The following FAM91A1 variants were observed in gnomAD, a reference collection of about 807,000 sequenced individuals.
FAM91A1 encodes the protein family with sequence similarity 91 member A1, also known as protein FAM91A1.
Under a neutral mutation model 113.5 loss-of-function variants are expected in FAM91A1, and 41 were observed. The observed-to-expected ratio is 0.36, with a 90% CI of 0.28 to 0.47. FAM91A1 has a LOEUF of 0.47. Among genes scored for constraint, FAM91A1 ranks in the 20% least tolerant of loss-of-function variants. FAM91A1 has a pLI of 1.00. For missense variants in FAM91A1, 696 were observed against 1,001.2 expected (o/e 0.70, Z 4.11); for synonymous variants, 307 against 347.9 (o/e 0.88, Z 1.31).
chr8:123,808,839 T>C, intron 21 of FAM91A1, 54 bp from the exon 22 acceptor site: 2 of 1,455,844 alleles, frequency 1.4e-6, no homozygotes, highest in East Asian at 2.5e-5. Flanking sequence ...ATATATAATA[T>C]ATACATAAGT....
rs756481945 is a variant in FAM91A1 at position 123,775,143 on chromosome 8, G to T, written c.158-4G>T. ...AAACTGGAGAATTTCCCTCTTTTGT[G>T]CAGTTAAACATGTCAAGAAAGATGA... On this transcript the variant is annotated splice_region_variant and splice_polypyrimidine_tract_variant and intron_variant, in intron 2 of 23. Transcript: ENST00000334705. The T allele has an allele frequency of 1.8e-5, 29 of 1,584,600 alleles. No homozygotes were observed. The highest frequency in any genetic ancestry group is 2.4e-5 in the Non-Finnish European group (28 of 1,164,588).
chr8:123,787,768 G>A lies in FAM91A1; in HGVS notation c.1278+18G>A. On this transcript the variant is annotated intron_variant, in intron 14 of 23. Coordinates refer to ENST00000334705, the MANE Select transcript of FAM91A1 (RefSeq NM_144963.4). ...TAGAAAAGGTAAATGTAGATTGCAT[G>A]TAAGGGGATGTTAGGGCATTTGGAA... is the stretch of plus-strand genomic sequence containing the variant. 7.6e-6 allele frequency: 12 copies of A among 1,585,506 alleles called. No homozygotes were observed. The highest frequency in any genetic ancestry group is 9.5e-6 in the Non-Finnish European group (11 of 1,161,210).
At chr8:123,781,516 C>A (rs1966620) in intron 8 of FAM91A1, among the ~76,000 whole-genome samples, 1 of 141,916 alleles carries the variant, frequency 7.0e-6, no homozygotes, top group Non-Finnish European at 1.5e-5. Context: ...CTAGCTCTAT[C>A]GCCCAGGCTG....
At chr8:123,797,203 G>A (rs1374276989) in intron 15 of FAM91A1, among the ~76,000 whole-genome samples, 2 of 152,156 alleles carry the variant, frequency 1.3e-5, no homozygotes, top group Non-Finnish European at 2.9e-5. Flanking sequence ...AAAATAAATT[G>A]ACATTAGACC....
chr8:123,792,727 T>C (rs1490272139), intron 15 of FAM91A1, among the ~76,000 whole-genome samples: 1 of 152,192 alleles, frequency 6.6e-6, no homozygotes. Context: ...TAATGTTGAA[T>C]TTTGCCTGAG....
chr8:123,806,990 T>A (rs956344725), intron 20 of FAM91A1, among the ~76,000 whole-genome samples: 1 of 152,046 alleles, frequency 6.6e-6, no homozygotes, highest in African/African-American at 2.4e-5. Context: ...TTGGCATATA[T>A]GTGGTTTGGG....
At chr8:123,793,175 G>T (rs1442280147) in intron 15 of FAM91A1, among the ~76,000 whole-genome samples, 1 of 152,126 alleles carries the variant, frequency 6.6e-6, no homozygotes, top group East Asian at 1.9e-4. Flanking sequence ...CATTGGTGAT[G>T]TTAATTTTGA....
At chr8:123,792,216 G>A (rs77140207) in intron 15 of FAM91A1, among the ~76,000 whole-genome samples, 18 of 152,194 alleles carry the variant, frequency 1.2e-4, no homozygotes, top group Middle Eastern at 6.8e-3. Context: ...TGTTTTAAGC[G>A]TCTTGTTTGA....
Position 123,814,328 on chromosome 8 carries a change from C to A in FAM91A1, c.*1624C>A. 4.8e-6 allele frequency: 1 copy of A among 207,064 alleles called. No individual in the cohort carries two copies. 12.8% of individuals were successfully genotyped at this position (207,064 alleles called of 1,614,324 possible). ...GTATGTAACTTTTACAGTTTTTCAG[C>A]TGAAAGTTGTAAGTATTTTTTTTTT... On this transcript the variant is annotated 3_prime_UTR_variant, in exon 24 of 24. Coordinates refer to ENST00000334705, the MANE Select transcript of FAM91A1 (RefSeq NM_144963.4).
chr8:123,798,871 A>G (rs549529501), intron 16 of FAM91A1, among the ~76,000 whole-genome samples: 42 of 152,328 alleles, frequency 2.8e-4, no homozygotes, highest in Non-Finnish European at 5.3e-4. Flanking sequence ...CCTATGTTCT[A>G]GCTGCCTCAG....
In FAM91A1 at chr8:123,769,027, A is replaced by G. The variant is rs534638274; in HGVS notation, c.72+253A>G. On this transcript the variant is annotated intron_variant, in intron 1 of 23. Coordinates refer to ENST00000334705, the MANE Select transcript of FAM91A1 (RefSeq NM_144963.4). ...GGACTCGACTGGCGCCTTTGCCCGC[A>G]GGATACATTCAGCCAGGCACCTGCG... Among the ~76,000 whole-genome samples, 68 of 152,358 alleles carry G rather than the reference A, an allele frequency of 4.5e-4. 1 individual carries two copies. In the South Asian group the frequency reaches 6.2e-3, roughly 14 times the overall value.
chr8:123,811,778 G>A (rs770417048), intron 23 of FAM91A1, among the ~76,000 whole-genome samples: 21 of 152,144 alleles, frequency 1.4e-4, no homozygotes, highest in Non-Finnish European at 3.1e-4. Flanking sequence ...ATGGAGTCCT[G>A]GGGGGAGGTC....
intron 1 of FAM91A1, among the ~76,000 whole-genome samples, chr8:123,769,752 C>T (rs930956136): frequency 6.6e-6 from 1 of 152,072 alleles, no homozygotes; most frequent in Admixed American, 6.6e-5. Flanking sequence ...CGTAACATAG[C>T]AGATGGTTTT....
chr8:123,786,307 G>A (rs529896241), intron 11 of FAM91A1, among the ~76,000 whole-genome samples, 188 bp from the exon 12 acceptor site: 10 of 152,212 alleles, frequency 6.6e-5, no homozygotes, highest in Middle Eastern at 3.4e-3. Context: ...AAGCCTATCC[G>A]TGGATCTTAG....
At chr8:123,778,858 A>G (rs1233849438) in intron 6 of FAM91A1, 86 bp downstream of exon 6, 2 of 888,278 alleles carry the variant, frequency 2.3e-6, no homozygotes, top group Admixed American at 7.3e-5. Context: ...TTTTTTAAAA[A>G]GTAACATTGT....
At position 123,810,268 on chromosome 8, in the gene FAM91A1, T is replaced by C; in HGVS notation, c.2262-14T>C. The C allele has an allele frequency of 1.1e-6, 1 of 935,284 alleles. No individual in the cohort carries two copies. Among genetic ancestry groups the C allele is most frequent in the Admixed American group, 3.1e-5 (1 of 31,832 alleles). 57.9% of individuals were successfully genotyped at this position (935,284 alleles called of 1,614,324 possible). A position where few individuals can be genotyped will look rare whatever the true frequency, so the allele number is the denominator to read the frequency against. The stretch of plus-strand genomic sequence containing the variant: ...TGTTTGTTTTAAACTGTTTCTCGCC[T>C]TTTTTTTTTTCAGCCTTCAAAACCT... On this transcript the variant is annotated splice_polypyrimidine_tract_variant and intron_variant, in intron 22 of 23. Coordinates refer to ENST00000334705, the MANE Select transcript of FAM91A1 (RefSeq NM_144963.4).
intron 18 of FAM91A1, among the ~76,000 whole-genome samples, chr8:123,802,406 T>C (rs1815708091): frequency 6.6e-6 from 1 of 152,160 alleles, no homozygotes; most frequent in African/African-American, 2.4e-5. Flanking sequence ...ATACCACTAC[T>C]GTAGGGAACA....
intron 14 of FAM91A1, chr8:123,788,068 A>T: frequency 8.8e-6 from 5 of 567,122 alleles, no homozygotes; most frequent in Non-Finnish European, 1.1e-5. Flanking sequence ...TAGCCTTTCA[A>T]TTTTTTTTCT....
intron 10 of FAM91A1, 120 bp downstream of exon 10, chr8:123,785,239 A>G (rs1471997902): frequency 1.2e-6 from 1 of 867,680 alleles, no homozygotes; most frequent in East Asian, 2.6e-5. Context: ...TAGCTGTCTG[A>G]GAGAACGTGC....
Sources: gnomAD v4.1 joint callset for allele counts (sites outside exome capture counted in the v4.1 genomes callset) on GRCh38, gnomAD v4.1.1 for gene constraint, MANE v1.5 for transcripts, NCBI Gene and HGNC (gene_info 2026-07-23, HGNC 2026-07-21) for gene names.